Variants in ATXN2 observed in about 807,000 individuals in gnomAD.
The protein encoded by ATXN2 is ataxin 2.
A neutral mutation model predicts 138.6 loss-of-function variants in ATXN2; 37 were observed. The ratio of observed to expected loss-of-function variants is 0.27; its 90% CI spans 0.21 to 0.35. The LOEUF is 0.35. Among genes scored for constraint, ATXN2 ranks in the 10% least tolerant of loss-of-function variants. ATXN2 has a pLI of 1.00. For synonymous variants in ATXN2, 549 were observed against 543.7 expected (o/e 1.01, Z -0.13); for missense variants, 1,216 against 1,480.3 (o/e 0.82, Z 2.93).
At chr12:111,559,592 T>G (rs1439144426) in intron 1 of ATXN2, among the ~76,000 whole-genome samples, 2 of 150,676 alleles carry the variant, frequency 1.3e-5, no homozygotes, top group Non-Finnish European at 3.0e-5. Flanking sequence ...ACCAATATGG[T>G]GAAACCCCGT....
intron 20 of ATXN2, 64 bp from the exon 21 acceptor site, chr12:111,464,779 A>G: frequency 2.4e-6 from 3 of 1,267,878 alleles, no homozygotes; most frequent in Non-Finnish European, 3.4e-6. Context: ...AATTTTCTGG[A>G]AAGGTTGACA....
chr12:111,581,748 T>A, intron 1 of ATXN2: 2 of 615,154 alleles, frequency 3.3e-6, no homozygotes, highest in South Asian at 3.4e-5. Context: ...CTCAGCATCA[T>A]CCCAGTGTTG....
chr12:111,474,909 C>T (rs549302767), intron 18 of ATXN2, among the ~76,000 whole-genome samples: 2 of 151,710 alleles, frequency 1.3e-5, no homozygotes, highest in South Asian at 4.2e-4. Flanking sequence ...CATGGTGAAA[C>T]CCCATCTCTA....
intron 5 of ATXN2, among the ~76,000 whole-genome samples, chr12:111,549,864 C>T (rs1204607288): frequency 1.3e-5 from 2 of 152,014 alleles, no homozygotes; most frequent in African/African-American, 2.4e-5. Context: ...GAGTTCAAGA[C>T]CAGCCTGGCC....
chr12:111,456,604 C>A (rs991406028), intron 22 of ATXN2, among the ~76,000 whole-genome samples: 1 of 152,182 alleles, frequency 6.6e-6, no homozygotes, highest in African/African-American at 2.4e-5. Context: ...ATAACCTCAT[C>A]ACATAAACCT....
chr12:111,501,218 ATAT>A lies in ATXN2; in HGVS notation c.1935+8328_1935+8330del, dbSNP rs1320443330. Among the ~76,000 whole-genome samples the A allele has an allele frequency of 3.3e-5, 5 of 152,362 alleles. No homozygotes were observed. The East Asian group carries it at 9.6e-4, about 29-fold the overall frequency. ...CCATCAAAAAGAACAGAAGACAAAG[ATAT>A]TAGCAAAATAAGTGATGAGGTTTTT... is the stretch of plus-strand genomic sequence containing the variant. On this transcript the variant is annotated intron_variant, in intron 14 of 24. Coordinates refer to ENST00000673436, the MANE Select transcript of ATXN2 (RefSeq NM_001372574.1).
At chr12:111,580,802 G>A (rs1246324196) in intron 1 of ATXN2, among the ~76,000 whole-genome samples, 1 of 151,718 alleles carries the variant, frequency 6.6e-6, no homozygotes, top group Non-Finnish European at 1.5e-5. Context: ...AGGAGGCAGC[G>A]GGGAGGGGAA....
intron 1 of ATXN2, among the ~76,000 whole-genome samples, chr12:111,575,841 T>C (rs527720443): frequency 6.6e-6 from 1 of 152,260 alleles, no homozygotes; most frequent in African/African-American, 2.4e-5. Context: ...CCCAGCACTT[T>C]GGGAGGCCAA....
intron 5 of ATXN2, among the ~76,000 whole-genome samples, chr12:111,525,685 C>T (rs539629657): frequency 7.5e-6 from 1 of 132,684 alleles, no homozygotes; most frequent in Non-Finnish European, 1.5e-5. Context: ...CCACACGAAG[C>T]ATTTTTTTTT....
At chr12:111,555,103 A>G (rs979729544) in intron 2 of ATXN2, among the ~76,000 whole-genome samples, 5 of 152,198 alleles carry the variant, frequency 3.3e-5, no homozygotes, top group African/African-American at 1.2e-4. Flanking sequence ...TTCATTGATA[A>G]CATTCCAAAA....
chr12:111,521,048 A>G (rs1880132668), intron 6 of ATXN2, 75 bp from the exon 7 acceptor site: 7 of 894,100 alleles, frequency 7.8e-6, no homozygotes, highest in East Asian at 2.7e-5. Flanking sequence ...ACCAACATCT[A>G]TATTAACAAT....
In ATXN2 at chr12:111,485,955, T is replaced by G. The variant is rs1877609921; in HGVS notation, c.2305-90A>C. On this transcript the variant is annotated intron_variant, in intron 16 of 24. Transcript: ENST00000673436. ...GACGGATTTTCCCAGTCTTTCTAAT[T>G]TTACTTGCTTTAACTATGTCCCTTT... 25 of 1,308,828 alleles carry G rather than the reference T, an allele frequency of 1.9e-5. No homozygotes were observed. In the South Asian group the frequency reaches 3.7e-4, roughly 20 times the overall value. 81.1% of individuals were successfully genotyped at this position (1,308,828 alleles called of 1,614,324 possible).
chr12:111,466,430 G>C (rs769330531), intron 20 of ATXN2, among the ~76,000 whole-genome samples: 11 of 151,980 alleles, frequency 7.2e-5, no homozygotes, highest in Non-Finnish European at 1.6e-4. Context: ...GAACGCAGGA[G>C]GCGGAGCGTG....
At chr12:111,532,854 A>C (rs955037471) in intron 5 of ATXN2, among the ~76,000 whole-genome samples, 10 of 71,474 alleles carry the variant, frequency 1.4e-4, no homozygotes, top group Non-Finnish European at 2.3e-4. Context: ...AGGTTTAAGG[A>C]AAAAAAAAAA....
chr12:111,546,793 G>A (rs1881820889), intron 5 of ATXN2, among the ~76,000 whole-genome samples: 1 of 152,204 alleles, frequency 6.6e-6, no homozygotes, highest in African/African-American at 2.4e-5. Context: ...TTAGCAAAAT[G>A]AAGAGAACCT....
intron 24 of ATXN2, 157 bp from the exon 25 acceptor site, chr12:111,452,997 G>A: frequency 9.7e-7 from 1 of 1,027,488 alleles, no homozygotes. Context: ...CCAAAGTGGG[G>A]AGGGTTGGGT....
At chr12:111,580,315 C>T (rs777248953) in intron 1 of ATXN2, among the ~76,000 whole-genome samples, 3 of 151,426 alleles carry the variant, frequency 2.0e-5, no homozygotes, top group Non-Finnish European at 2.9e-5. Flanking sequence ...ATCCTATCTC[C>T]GAAAAATTAA....
At position 111,598,939 on chromosome 12, in the gene ATXN2, C is replaced by A; in HGVS notation, c.96G>T (p.Ala32=). 6.6e-7 allele frequency: 1 copy of A among 1,512,410 alleles called. No homozygotes were observed. Among genetic ancestry groups the A allele is most frequent in the East Asian group, 2.6e-5 (1 of 37,832 alleles). The allele number at this position is 1,512,410 out of a possible 1,614,324, so 93.7% of individuals were successfully genotyped here. The change falls in exon 1 of 25, where the codon GCG becomes GCT. Residue 32 remains alanine (A), a synonymous_variant. Transcript: ENST00000673436. The surrounding 1 kb of genome is among the most constrained non-coding windows in gnomAD (Gnocchi z 4.5). ...QQQQQQQPPP[A]AANVRKPGGS... ...CGCCGGGCTTGCGGACATTGGCAGC[C>A]GCGGGCGGCGGCTGCTGCTGCTGCT...
In ATXN2 at chr12:111,541,801, T is replaced by A. The variant is rs551557201; in HGVS notation, c.571+10479A>T. Among the ~76,000 whole-genome samples, 81 of 143,264 alleles carry A rather than the reference T, an allele frequency of 5.7e-4. 1 individual carries two copies. The East Asian group carries it at 6.0e-3, about 11-fold the overall frequency. The allele number at this position is 143,264 out of a possible 152,430, so 94.0% of individuals were successfully genotyped here. ...GATATATATATATATATTATAAAAA[T>A]TTTTTTTTTTTTGAGATGGAGTCAC... On this transcript the variant is annotated intron_variant, in intron 5 of 24. Transcript: ENST00000673436.
Sources: allele counts gnomAD v4.1 joint callset (sites outside exome capture counted in the v4.1 genomes callset), GRCh38; gene constraint gnomAD v4.1.1; non-coding constraint Gnocchi (gnomAD v3.1); transcripts MANE v1.5; gene names NCBI Gene and HGNC (gene_info 2026-07-23, HGNC 2026-07-21).